MCPH1: variants seen among roughly 807,000 people sequenced by gnomAD.
MCPH1 encodes microcephalin.
In MCPH1, 104 loss-of-function variants were observed where a neutral mutation model predicts 84.5. The ratio of observed to expected loss-of-function variants is 1.23; its 90% CI spans 1.05 to 1.45. The LOEUF is 1.45. Among genes scored for constraint, MCPH1 ranks in the 40% most tolerant of loss-of-function variants. The pLI, the probability that MCPH1 is intolerant of heterozygous loss-of-function variation, is 0.00. For missense variants in MCPH1, 1,498 were observed against 1,005.7 expected (o/e 1.49, Z -6.62); for synonymous variants, 514 against 366.8 (o/e 1.40, Z -4.58).
chr8:6,480,564 A>G (rs1809080225), intron 10 of MCPH1, 150 bp from the exon 11 acceptor site: 9 of 764,064 alleles, frequency 1.2e-5, no homozygotes, highest in Admixed American at 1.9e-5. Flanking sequence ...AGCATTGATT[A>G]TAAGTCAGTT....
chr8:6,461,720 C>G (rs1296116373), intron 9 of MCPH1, among the ~76,000 whole-genome samples: 1 of 152,150 alleles, frequency 6.6e-6, no homozygotes, highest in Admixed American at 6.6e-5. Context: ...AGGTCATTGA[C>G]ATTGATAGTT....
chr8:6,607,123 G>T (rs528725386), intron 12 of MCPH1, among the ~76,000 whole-genome samples: 1 of 152,174 alleles, frequency 6.6e-6, no homozygotes, highest in Admixed American at 6.5e-5. Context: ...AAGCAGGAAG[G>T]CCCCTCTCAC....
intron 13 of MCPH1, chr8:6,622,076 ACTG>A (rs1831490256): frequency 2.8e-6 from 1 of 353,788 alleles, no homozygotes; most frequent in Non-Finnish European, 5.7e-6. Context: ...AGCGCCCGGC[ACTG>A]GGGCCCAAGC....
Position 6,433,630 on chromosome 8 carries a change from C to CAAAAA in MCPH1, c.321+2065_321+2069dup, listed in dbSNP as rs60661127. Among the ~76,000 whole-genome samples the CAAAAA allele has an allele frequency of 7.3e-3, 297 of 40,860 alleles. 3 individuals are homozygous for CAAAAA. The highest frequency in any genetic ancestry group is 0.013 in the Middle Eastern group (1 of 80). The allele number at this position is 40,860 out of a possible 152,430, so 26.8% of individuals were successfully genotyped here. Reference sequence around the variant, plus strand: ...CCTGGGCGACAGCAAGGCTCTGTCTCAAAAAAAAAAAAAAAAAAAAAAAAA... The same window carrying CAAAAA: ...CCTGGGCGACAGCAAGGCTCTGTCTCAAAAAAAAAAAAAAAAAAAAAAAAAAAAAA... On this transcript the variant is annotated intron_variant, in intron 4 of 13. Coordinates refer to ENST00000344683, the MANE Select transcript of MCPH1 (RefSeq NM_024596.5).
intron 4 of MCPH1, 156 bp from the exon 5 acceptor site, chr8:6,435,892 A>G: frequency 3.0e-6 from 1 of 336,046 alleles, no homozygotes; most frequent in Non-Finnish European, 4.2e-6. Context: ...ACAAAAAAAT[A>G]AATATTGCCA....
At chr8:6,602,895 T>C (rs1399192243) in intron 12 of MCPH1, among the ~76,000 whole-genome samples, 2 of 152,082 alleles carry the variant, frequency 1.3e-5, no homozygotes, top group East Asian at 3.9e-4. Context: ...AAGTCTGGTC[T>C]TAAAATAGAA....
In MCPH1 at chr8:6,644,852, A is replaced by G. The variant is rs1784795092; in HGVS notation, c.*1803A>G. 1 of 152,228 alleles carries G rather than the reference A, an allele frequency of 6.6e-6. No homozygotes were observed. Among genetic ancestry groups the G allele is most frequent in the South Asian group, 2.1e-4 (1 of 4,834 alleles). 9.4% of individuals were successfully genotyped at this position (152,228 alleles called of 1,614,324 possible). A position where few individuals can be genotyped will look rare whatever the true frequency, so the allele number is the denominator to read the frequency against. On this transcript the variant is annotated 3_prime_UTR_variant, in exon 14 of 14. Coordinates refer to ENST00000344683, the MANE Select transcript of MCPH1 (RefSeq NM_024596.5). ...GAGAAGGGAGGTAGCAGTGCATTGTATAGGAATTGGCATTCTATAGAAAAC... is the reference window on the plus strand; with the variant it reads ...GAGAAGGGAGGTAGCAGTGCATTGTGTAGGAATTGGCATTCTATAGAAAAC...
At position 6,593,081 on chromosome 8, in the gene MCPH1, G is replaced by GTTT. The variant is rs377256909; in HGVS notation, c.2215-28355_2215-28353dup. ...TGGACACTATGTTTTTTAGGGTGTG[G>GTTT]TTTTTTTTTTTTTTTTTTTTAGACA... is the stretch of plus-strand genomic sequence containing the variant. On this transcript the variant is annotated intron_variant, in intron 12 of 13. Transcript: ENST00000344683. Among the ~76,000 whole-genome samples the GTTT allele has an allele frequency of 4.5e-4, 55 of 121,714 alleles. 1 individual carries two copies. Among genetic ancestry groups the GTTT allele is most frequent in the South Asian group, 8.7e-4 (3 of 3,466 alleles). 79.8% of individuals were successfully genotyped at this position (121,714 alleles called of 152,430 possible).
chr8:6,596,358 C>G (rs914945417), intron 12 of MCPH1, among the ~76,000 whole-genome samples: 2 of 152,176 alleles, frequency 1.3e-5, no homozygotes, highest in African/African-American at 4.8e-5. Context: ...TATGGCACAG[C>G]CCCCTGCCTG....
intron 12 of MCPH1, among the ~76,000 whole-genome samples, chr8:6,600,332 G>T (rs1829258720): frequency 6.6e-6 from 1 of 152,262 alleles, no homozygotes; most frequent in Admixed American, 6.5e-5. Context: ...TCTCTAGCTG[G>T]CCGTGGGTGC....
chr8:6,459,609 A>C (rs557044990), intron 9 of MCPH1, among the ~76,000 whole-genome samples: 1 of 152,362 alleles, frequency 6.6e-6, no homozygotes, highest in South Asian at 2.1e-4. Context: ...AATGGAGAAC[A>C]GTAAGGTCTG....
intron 10 of MCPH1, among the ~76,000 whole-genome samples, chr8:6,478,672 C>T (rs1481115811): frequency 6.6e-6 from 1 of 152,220 alleles, no homozygotes; most frequent in Non-Finnish European, 1.5e-5. Flanking sequence ...ATCCAGCAAG[C>T]AGCTGCCAGC....
At chr8:6,434,056 G>T (rs1316642849) in intron 4 of MCPH1, among the ~76,000 whole-genome samples, 1 of 151,946 alleles carries the variant, frequency 6.6e-6, no homozygotes, top group Non-Finnish European at 1.5e-5. Flanking sequence ...CTTTCTCTGT[G>T]AGACCTATCC....
At chr8:6,477,718 G>C in intron 10 of MCPH1, 87 bp downstream of exon 10, 1 of 991,874 alleles carries the variant, frequency 1.0e-6, no homozygotes. Flanking sequence ...TAGGCAACTT[G>C]TCAATCTGTC....
At chr8:6,524,962 G>A (rs1322688930) in intron 12 of MCPH1, among the ~76,000 whole-genome samples, 1 of 152,212 alleles carries the variant, frequency 6.6e-6, no homozygotes, top group Non-Finnish European at 1.5e-5. Context: ...CCCTGCTGTG[G>A]ACCTCAGGTG....
At chr8:6,618,964 G>A (rs1831132095) in intron 12 of MCPH1, 2 of 152,180 alleles carry the variant, frequency 1.3e-5, no homozygotes, top group African/African-American at 4.8e-5. Context: ...ACAGTGTCCA[G>A]CAAAGAGAAG....
At chr8:6,609,152 A>G (rs911181628) in intron 12 of MCPH1, among the ~76,000 whole-genome samples, 1 of 152,020 alleles carries the variant, frequency 6.6e-6, no homozygotes, top group African/African-American at 2.4e-5. Context: ...CAAAGTTTCT[A>G]TAAGTTGTGT....
At chr8:6,531,144 T>C (rs964167634) in intron 12 of MCPH1, among the ~76,000 whole-genome samples, 10 of 152,012 alleles carry the variant, frequency 6.6e-5, no homozygotes, top group African/African-American at 2.4e-4. Context: ...TCTGCATTTG[T>C]ACTGCTAATA....
At chr8:6,530,578 C>T (rs966601522) in intron 12 of MCPH1, among the ~76,000 whole-genome samples, 1 of 133,988 alleles carries the variant, frequency 7.5e-6, no homozygotes, top group Admixed American at 7.6e-5. Context: ...TAATAATTCG[C>T]TTTAGATATA....
Sources: gnomAD v4.1 joint callset for allele counts (sites outside exome capture counted in the v4.1 genomes callset) on GRCh38, gnomAD v4.1.1 for gene constraint, MANE v1.5 for transcripts, NCBI Gene and HGNC (gene_info 2026-07-23, HGNC 2026-07-21) for gene names.